The following FAM184B variants were observed in gnomAD, a reference collection of about 807,000 sequenced individuals.
The protein encoded by FAM184B is protein FAM184B.
A neutral mutation model predicts 135.9 loss-of-function variants in FAM184B; 111 were observed. That is an observed-to-expected ratio of 0.82 (90% CI 0.70 to 0.96). The LOEUF is 0.96. Ranked by LOEUF, FAM184B falls within the 40% of genes least tolerant of loss-of-function variation. The pLI is 0.00. For synonymous variants in FAM184B, 552 were observed against 524.8 expected (o/e 1.05, Z -0.71); for missense variants, 1,375 against 1,323.9 (o/e 1.04, Z -0.60).
Position 17,630,477 on chromosome 4 carries a change from T to G in FAM184B, c.*2055A>C, listed in dbSNP as rs1386740524. ...GCACCCATTTCTGAAGAATGGGCCCTCCCCAGACTCCATATCTGCTGGTGC... is the reference window on the plus strand; with the variant it reads ...GCACCCATTTCTGAAGAATGGGCCCGCCCCAGACTCCATATCTGCTGGTGC... On this transcript the variant is annotated 3_prime_UTR_variant, in exon 18 of 18. Coordinates refer to ENST00000265018, the MANE Select transcript of FAM184B (RefSeq NM_015688.2). 1 of 152,158 alleles carries G rather than the reference T, an allele frequency of 6.6e-6. No homozygotes were observed. The highest frequency in any genetic ancestry group is 2.4e-5 in the African/African-American group (1 of 41,430). 9.4% of individuals were successfully genotyped at this position (152,158 alleles called of 1,614,324 possible).
intron 1 of FAM184B, among the ~76,000 whole-genome samples, chr4:17,742,165 TA>T (rs869228392): frequency 0.038 from 274 of 7,228 alleles, 1 homozygote; most frequent in African/African-American, 0.12. Flanking sequence ...TATATATATA[TA>T]TATTTTTTTT....
Position 17,759,148 on chromosome 4 carries a change from G to A in FAM184B, c.141+22011C>T, listed in dbSNP as rs192070541. 7.2e-4 allele frequency among the ~76,000 whole-genome samples: 110 copies of A among 152,268 alleles called. 2 individuals are homozygous for A. The highest frequency in any genetic ancestry group is 1.3e-3 in the Admixed American group (20 of 15,294). The stretch of plus-strand genomic sequence containing the variant: ...GCCATACATCTTGCCGGTTCTCAGG[G>A]GGCTGGCTTCTGTTTCTCCCAGTCT... On this transcript the variant is annotated intron_variant, in intron 1 of 17. Transcript: ENST00000265018.
chr4:17,724,827 T>C (rs1717606870), intron 1 of FAM184B, among the ~76,000 whole-genome samples: 1 of 152,202 alleles, frequency 6.6e-6, no homozygotes, highest in African/African-American at 2.4e-5. Context: ...CCTGCCTAAA[T>C]ATTTCTGGAA....
chr4:17,652,739 C>T (rs1006519044), intron 11 of FAM184B, 91 bp downstream of exon 11: 19 of 1,438,946 alleles, frequency 1.3e-5, no homozygotes, highest in Non-Finnish European at 1.7e-5. Context: ...GCCCGAGAAC[C>T]CTGGAGCCCT....
At chr4:17,692,296 C>T (rs968155574) in intron 6 of FAM184B, among the ~76,000 whole-genome samples, 2 of 152,132 alleles carry the variant, frequency 1.3e-5, no homozygotes, top group Non-Finnish European at 2.9e-5. Flanking sequence ...TGCAGCCCCA[C>T]CTTGGTCTGG....
chr4:17,638,506 T>C (rs1715214944), intron 14 of FAM184B, among the ~76,000 whole-genome samples: 1 of 152,048 alleles, frequency 6.6e-6, no homozygotes, highest in South Asian at 2.1e-4. Flanking sequence ...ACAGCCTGTT[T>C]GCTTATTTCT....
At chr4:17,740,802 G>A (rs945244505) in intron 1 of FAM184B, among the ~76,000 whole-genome samples, 65 of 152,234 alleles carry the variant, frequency 4.3e-4, no homozygotes, top group African/African-American at 1.5e-3. Context: ...CCTCATGGGA[G>A]ACTTATGTTT....
At chr4:17,779,022 GA>G (rs1328976405) in intron 1 of FAM184B, among the ~76,000 whole-genome samples, 1 of 152,068 alleles carries the variant, frequency 6.6e-6, no homozygotes, top group Non-Finnish European at 1.5e-5. Flanking sequence ...TATGTATGTT[GA>G]AAAAATAAAA....
intron 7 of FAM184B, among the ~76,000 whole-genome samples, chr4:17,683,414 A>G (rs1373705929): frequency 3.9e-5 from 6 of 152,200 alleles, no homozygotes; most frequent in Non-Finnish European, 7.3e-5. Flanking sequence ...TTTAGACCTC[A>G]CAAAGACCCT....
chr4:17,643,563 C>T (rs1715383483), intron 12 of FAM184B, among the ~76,000 whole-genome samples: 1 of 152,224 alleles, frequency 6.6e-6, no homozygotes, highest in African/African-American at 2.4e-5. Flanking sequence ...TTCCCGTCCC[C>T]TCCCATTGGT....
chr4:17,746,812 C>T (rs1454180084), intron 1 of FAM184B, among the ~76,000 whole-genome samples: 38 of 150,140 alleles, frequency 2.5e-4, no homozygotes, highest in Non-Finnish European at 4.1e-4. Flanking sequence ...CTGAGGCGGG[C>T]GGATCACCTG....
intron 8 of FAM184B, among the ~76,000 whole-genome samples, chr4:17,663,183 A>T (rs10028288): frequency 0.85 from 129,862 of 152,182 alleles, 57,814 homozygotes; most frequent in Non-Finnish European, 0.98. Flanking sequence ...GCAGTCCACC[A>T]GCCTTGGCCT....
intron 14 of FAM184B, among the ~76,000 whole-genome samples, 164 bp from the exon 15 acceptor site, chr4:17,636,809 G>A (rs991679001): frequency 2.0e-5 from 3 of 152,156 alleles, no homozygotes; most frequent in Admixed American, 6.5e-5. Context: ...ATGGCTTGCC[G>A]AACCCAGGAT....
intron 14 of FAM184B, 66 bp downstream of exon 14, chr4:17,639,184 T>G: frequency 1.4e-6 from 2 of 1,457,520 alleles, no homozygotes; most frequent in Non-Finnish European, 1.9e-6. Context: ...GTCATTGGGG[T>G]GAGTTGGCCA....
rs553782107 is a variant in FAM184B at position 17,633,963 on chromosome 4, A to G, written c.2890-75T>C. ...TAAAGCATTATTGTAAAAGCAAATA[A>G]TGCTCACCCAATCAAAATTGTATCG... is the stretch of plus-strand genomic sequence containing the variant. On this transcript the variant is annotated intron_variant, in intron 16 of 17. Transcript: ENST00000265018. 3.2e-5 allele frequency: 37 copies of G among 1,169,740 alleles called. 1 individual carries two copies. In the South Asian group the frequency reaches 7.8e-4, roughly 25 times the overall value. The allele number at this position is 1,169,740 out of a possible 1,614,324, so 72.5% of individuals were successfully genotyped here. A position where few individuals can be genotyped will look rare whatever the true frequency, so the allele number is the denominator to read the frequency against.
Position 17,647,773 on chromosome 4 carries a change from A to T in FAM184B, c.2210T>A (p.Leu737Gln). ...ALLLESLRQE[L>Q]SEQQAACSGH... ...AGAACAGGCAGCTTGCTGCTCCGAC[A>T]GCTCCTGTCTGAGCGACTCTGGAAA... The change falls in exon 12 of 18, where the codon CTG becomes CAG. Residue 737 changes from leucine (L) to glutamine (Q), a missense_variant. Leu to Gln is a moderately radical substitution (Grantham distance 113, BLOSUM62 -2). Transcript: ENST00000265018. 3 of 1,550,402 alleles carry T rather than the reference A, an allele frequency of 1.9e-6. No homozygotes were observed. Among genetic ancestry groups the T allele is most frequent in the Non-Finnish European group, 8.7e-7 (1 of 1,146,782 alleles).
chr4:17,651,537 CAAAAAAAAA>C (rs751455835), intron 11 of FAM184B, among the ~76,000 whole-genome samples: 2 of 43,118 alleles, frequency 4.6e-5, no homozygotes, highest in East Asian at 8.1e-4. Context: ...GACTCTGTCT[CAAAAAAAAA>C]AAAAAAAAAA....
intron 8 of FAM184B, among the ~76,000 whole-genome samples, chr4:17,664,087 C>A (rs965260074): frequency 1.1e-4 from 16 of 152,074 alleles, no homozygotes; most frequent in African/African-American, 3.9e-4. Context: ...CTAATATACC[C>A]GCAGAGCCTG....
intron 1 of FAM184B, among the ~76,000 whole-genome samples, chr4:17,739,180 G>C (rs1717969876): frequency 6.6e-6 from 1 of 152,162 alleles, no homozygotes; most frequent in African/African-American, 2.4e-5. Flanking sequence ...TGACCCACAA[G>C]GTGGATTTGA....
Sources: allele counts gnomAD v4.1 joint callset (sites outside exome capture counted in the v4.1 genomes callset), GRCh38; gene constraint gnomAD v4.1.1; transcripts MANE v1.5; gene names NCBI Gene and HGNC (gene_info 2026-07-23, HGNC 2026-07-21).